The following RIT2 variants were observed in gnomAD, a reference collection of about 807,000 sequenced individuals.
RIT2 encodes the protein Ras like without CAAX 2.
RIT2 carries 24 observed loss-of-function variants against 23.7 expected under a neutral mutation model. The observed-to-expected ratio is 1.01, with a 90% confidence interval of 0.73 to 1.43. The LOEUF is 1.43. Among genes scored for constraint, RIT2 ranks in the 40% most tolerant of loss-of-function variants. The pLI is 0.00. For synonymous variants in RIT2, 107 were observed against 91.1 expected, an observed-to-expected ratio of 1.17 and a Z score of -0.99; for missense variants, 236 against 266.9, an observed-to-expected ratio of 0.88 and a Z score of 0.81.
chr18:43,012,021 T>C (rs1047747190), intron 2 of RIT2, among the ~76,000 whole-genome samples: 1 of 150,194 alleles, frequency 6.7e-6, no homozygotes, highest in Non-Finnish European at 1.5e-5. Context: ...TGGGAAACTG[T>C]CTATTTTTCC....
intron 4 of RIT2, among the ~76,000 whole-genome samples, chr18:42,746,485 T>C (rs1296196090): frequency 6.6e-6 from 1 of 152,044 alleles, no homozygotes; most frequent in Non-Finnish European, 1.5e-5. Flanking sequence ...AGACAGTAAG[T>C]AAAAATAGAG....
intron 3 of RIT2, among the ~76,000 whole-genome samples, chr18:42,967,404 C>T (rs904997589): frequency 2.6e-5 from 4 of 152,134 alleles, no homozygotes; most frequent in Non-Finnish European, 5.9e-5. Flanking sequence ...GAGTCTCGCT[C>T]TGTTGCCCAG....
intron 1 of RIT2, among the ~76,000 whole-genome samples, chr18:43,055,011 T>C (rs1238614161): frequency 6.6e-6 from 1 of 152,116 alleles, no homozygotes; most frequent in Non-Finnish European, 1.5e-5. Flanking sequence ...ATGCATCAAT[T>C]CATGGGTAAC....
At chr18:42,829,258 A>G (rs1382375223) in intron 4 of RIT2, among the ~76,000 whole-genome samples, 2 of 152,208 alleles carry the variant, frequency 1.3e-5, no homozygotes, top group Admixed American at 6.5e-5. Context: ...CACCTTAAAG[A>G]CATATATGAT....
intron 4 of RIT2, among the ~76,000 whole-genome samples, chr18:42,873,304 C>A (rs532050148): frequency 2.0e-5 from 3 of 152,162 alleles, no homozygotes; most frequent in African/African-American, 4.8e-5. Flanking sequence ...AGGACAGAAG[C>A]CTTTATATAG....
chr18:42,827,345 G>A (rs1310712075), intron 4 of RIT2, among the ~76,000 whole-genome samples: 4 of 152,006 alleles, frequency 2.6e-5, no homozygotes, highest in Non-Finnish European at 4.4e-5. Context: ...AAATAAAACT[G>A]TAAATTAATT....
Position 43,040,710 on chromosome 18 carries a change from G to A in RIT2, c.104-6843C>T, listed in dbSNP as rs1598758051. ...ATGGGGGTGCATGTTAGGAAGAAAA[G>A]AAAACAGGTTTGCTGAACACATAGC... On this transcript the variant is annotated intron_variant, in intron 1 of 4. Transcript: ENST00000326695. 5.9e-5 allele frequency among the ~76,000 whole-genome samples: 9 copies of A among 152,160 alleles called. No individual in the cohort carries two copies. In the South Asian group the frequency reaches 1.7e-3, roughly 28 times the overall value.
intron 1 of RIT2, among the ~76,000 whole-genome samples, chr18:43,088,876 T>C (rs1228495595): frequency 6.6e-6 from 1 of 152,128 alleles, no homozygotes; most frequent in East Asian, 1.9e-4. Context: ...GAGAGGTATG[T>C]AAAAGTGTTA....
intron 4 of RIT2, among the ~76,000 whole-genome samples, chr18:42,846,329 AT>A (rs1478068148): frequency 6.6e-6 from 1 of 151,980 alleles, no homozygotes; most frequent in African/African-American, 2.4e-5. Flanking sequence ...AATCAGAATA[AT>A]TTTATAATTA....
rs535905487 is a variant in RIT2, at chr18:42,932,143, G to A, written c.235-8380C>T. On this transcript the variant is annotated intron_variant, in intron 3 of 4. Coordinates refer to ENST00000326695, the MANE Select transcript of RIT2 (RefSeq NM_002930.4). Reference sequence around the variant, plus strand: ...GAGAGGCCAGCACTCCCTCATGATAGAAATGAGGAAAGTGGTCATTGGAGC... The same window carrying A: ...GAGAGGCCAGCACTCCCTCATGATAAAAATGAGGAAAGTGGTCATTGGAGC... Among the ~76,000 whole-genome samples the A allele has an allele frequency of 3.1e-4, 47 of 152,252 alleles. No individual in the cohort carries two copies. The East Asian group carries it at 7.0e-3, about 23-fold the overall frequency.
chr18:43,009,756 T>A (rs4414570), intron 2 of RIT2, among the ~76,000 whole-genome samples: 144,898 of 151,780 alleles, frequency 0.95, 69,515 homozygotes, highest in East Asian at 1. Flanking sequence ...ACATTGACAC[T>A]TCCCATGTCC....
chr18:43,070,561 C>T (rs577645749), intron 1 of RIT2, among the ~76,000 whole-genome samples: 7 of 152,240 alleles, frequency 4.6e-5, no homozygotes, highest in East Asian at 3.9e-4. Context: ...CACATTTGTT[C>T]GCAGGTCACA....
intron 2 of RIT2, among the ~76,000 whole-genome samples, chr18:43,008,417 A>G (rs1049459424): frequency 2.0e-5 from 3 of 151,472 alleles, no homozygotes; most frequent in Admixed American, 6.6e-5. Context: ...GTGATTTCAT[A>G]AGAGCTATAA....
intron 1 of RIT2, among the ~76,000 whole-genome samples, chr18:43,048,743 G>GT (rs969069999): frequency 6.6e-6 from 1 of 152,086 alleles, no homozygotes; most frequent in South Asian, 2.1e-4. Flanking sequence ...AAAATATGAT[G>GT]TTTTTTATAA....
chr18:42,837,147 C>CTCTTT (rs1906628770), intron 4 of RIT2, among the ~76,000 whole-genome samples: 2 of 48,718 alleles, frequency 4.1e-5, no homozygotes, highest in African/African-American at 1.2e-4. Context: ...CTTTTTTTTT[C>CTCTTT]TTTTTCTTTT....
chr18:42,903,756 C>T (rs1253175143), intron 4 of RIT2, among the ~76,000 whole-genome samples: 1 of 152,022 alleles, frequency 6.6e-6, no homozygotes, highest in Non-Finnish European at 1.5e-5. Context: ...GGCTACTAGA[C>T]TTATTTTATA....
chr18:43,087,996 T>C (rs1913326420), intron 1 of RIT2, among the ~76,000 whole-genome samples: 1 of 152,210 alleles, frequency 6.6e-6, no homozygotes, highest in African/African-American at 2.4e-5. Context: ...GCCTAGTGTA[T>C]GGACACAATT....
chr18:43,047,884 G>A (rs1598760969), intron 1 of RIT2, among the ~76,000 whole-genome samples: 1 of 152,160 alleles, frequency 6.6e-6, no homozygotes, highest in Non-Finnish European at 1.5e-5. Context: ...AAATATGAGG[G>A]GAGTTCTACT....
intron 4 of RIT2, among the ~76,000 whole-genome samples, chr18:42,861,333 A>G (rs1360157240): frequency 2.6e-5 from 4 of 152,134 alleles, no homozygotes; most frequent in Non-Finnish European, 5.9e-5. Context: ...CATTCTCTGA[A>G]ATATGCTTGA....
Sources: gnomAD v4.1 joint callset for allele counts (sites outside exome capture counted in the v4.1 genomes callset) on GRCh38, gnomAD v4.1.1 for gene constraint, MANE v1.5 for transcripts, NCBI Gene and HGNC (gene_info 2026-07-23, HGNC 2026-07-21) for gene names.